Variants in CFAP74 observed in about 807,000 individuals in gnomAD.
CFAP74 encodes the protein cilia- and flagella-associated protein 74.
CFAP74 carries 124 observed loss-of-function variants against 188.9 expected under a neutral mutation model. The ratio of observed to expected loss-of-function variants is 0.66; its 90% CI spans 0.57 to 0.76. CFAP74 has a LOEUF of 0.76. Ranked by LOEUF, CFAP74 falls within the 30% of genes least tolerant of loss-of-function variation. The pLI is 0.00. For synonymous variants in CFAP74, 956 were observed against 916.7 expected, an observed-to-expected ratio of 1.04 and a Z score of -0.77; for missense variants, 2,198 against 2,165.2, an observed-to-expected ratio of 1.02 and a Z score of -0.30.
chr1:1,930,381 G>C (rs1184492082), intron 25 of CFAP74, 45 bp from the exon 26 acceptor site: 1 of 1,472,906 alleles, frequency 6.8e-7, no homozygotes, highest in Non-Finnish European at 9.0e-7. Flanking sequence ...CAGGGCGTCC[G>C]TGTCCCTCTG....
In CFAP74 at chr1:1,963,737, C is replaced by T. The variant is rs911305878; in HGVS notation, c.1694+12G>A. ...TGCACCGCGTCCCTCCCTGTCTGAG[C>T]CGTCCTCTTACTCAACGTGGATGAA... On this transcript the variant is annotated intron_variant, in intron 14 of 38. Coordinates refer to ENST00000682832, the MANE Select transcript of CFAP74 (RefSeq NM_001304360.2). The T allele has an allele frequency of 2.5e-6, 4 of 1,577,066 alleles. No individual in the cohort carries two copies. The Admixed American group carries it at 5.0e-5, about 20-fold the overall frequency.
chr1:1,951,462 C>A (rs938233652), intron 18 of CFAP74, among the ~76,000 whole-genome samples: 2 of 152,198 alleles, frequency 1.3e-5, no homozygotes, highest in African/African-American at 2.4e-5. Flanking sequence ...AACCAGTTGA[C>A]TATAATTGTG....
rs779154271 is a variant in CFAP74 at position 1,923,746 on chromosome 1, G to A, written c.4389+29C>T. 23 of 1,612,792 alleles carry A rather than the reference G, an allele frequency of 1.4e-5. No homozygotes were observed. The highest frequency in any genetic ancestry group is 8.8e-5 in the South Asian group (8 of 91,084). On this transcript the variant is annotated intron_variant, in intron 35 of 38. Transcript: ENST00000682832. This position sits in a 1 kb window ranked among gnomAD's most constrained non-coding sequence, Gnocchi z 6.3. ...CCCTGCGTGGGGCCAGGGCCGGGCC[G>A]GGCTGAGCTTGCAGAGCCAGAGCCG...
At chr1:1,927,468 T>G (rs1216441710) in intron 28 of CFAP74, 139 bp downstream of exon 28, 3 of 820,928 alleles carry the variant, frequency 3.7e-6, no homozygotes, top group Non-Finnish European at 5.6e-6. Flanking sequence ...TGGATCCAGC[T>G]GTGTCTGAAG....
At chr1:1,959,054 G>A (rs1015481778) in intron 16 of CFAP74, 66 bp downstream of exon 16, 60 of 1,079,868 alleles carry the variant, frequency 5.6e-5, no homozygotes, top group Middle Eastern at 2.0e-4. Context: ...AGGAGATGCC[G>A]TCCCCCACTG....
At chr1:1,958,108 C>G (rs555712687) in intron 16 of CFAP74, among the ~76,000 whole-genome samples, 1 of 152,232 alleles carries the variant, frequency 6.6e-6, no homozygotes. Flanking sequence ...CTCTCCACGG[C>G]GACACGCGGT....
At chr1:1,937,774 C>G (rs886227297) in intron 25 of CFAP74, among the ~76,000 whole-genome samples, 4 of 145,364 alleles carry the variant, frequency 2.8e-5, no homozygotes, top group Admixed American at 1.4e-4. Flanking sequence ...CTTATCCCGC[C>G]CTCAGGCTCA....
chr1:1,960,793 T>C (rs1030603431), intron 14 of CFAP74, among the ~76,000 whole-genome samples: 1 of 152,156 alleles, frequency 6.6e-6, no homozygotes. Flanking sequence ...GGGATGGAGC[T>C]GCCGGGGAGA....
intron 6 of CFAP74, chr1:1,984,981 G>A (rs973654454): frequency 3.9e-5 from 7 of 179,426 alleles, no homozygotes; most frequent in Admixed American, 3.3e-4. Context: ...TGAGAAATTC[G>A]TGCACCTTCC....
At chr1:1,989,516 G>A (rs1001279695) in intron 2 of CFAP74, among the ~76,000 whole-genome samples, 12 of 152,146 alleles carry the variant, frequency 7.9e-5, no homozygotes, top group Non-Finnish European at 4.4e-5. Flanking sequence ...GCTGGAGTGC[G>A]GTGGCGTGAT....
intron 6 of CFAP74, among the ~76,000 whole-genome samples, chr1:1,979,517 A>G (rs111903194): frequency 0.24 from 7,953 of 33,122 alleles, 719 homozygotes; most frequent in Non-Finnish European, 0.28. Context: ...CACGTGACGA[A>G]GCTGCGCAGA....
At position 1,930,317 on chromosome 1, in the gene CFAP74, G is replaced by A. The variant is rs1426853238; in HGVS notation, c.3031C>T (p.Arg1011Trp). The A allele has an allele frequency of 2.1e-5, 32 of 1,525,772 alleles. No homozygotes were observed. The highest frequency in any genetic ancestry group is 6.0e-5 in the South Asian group (5 of 83,684). 94.5% of individuals were successfully genotyped at this position (1,525,772 alleles called of 1,614,324 possible). A position where few individuals can be genotyped will look rare whatever the true frequency, so the allele number is the denominator to read the frequency against. Residue 1011 changes from arginine to tryptophan, a missense_variant, in exon 26 of 39, where the codon CGG becomes TGG. Coordinates refer to ENST00000682832, the MANE Select transcript of CFAP74 (RefSeq NM_001304360.2). ...EINRCFKLSC[R>W]AVGVHPPLEL... ...AGGGGTGGGTGGACGCCTACAGCCC[G>A]GCAAGACAGCTTGAAGCACCTGCAA...
In CFAP74 at chr1:1,940,323, G is replaced by T; in HGVS notation, c.2696C>A (p.Ala899Asp). Residue 899 changes from alanine (A) to aspartate (D), a missense_variant, in exon 23 of 39, where the codon GCC becomes GAC. Coordinates refer to ENST00000682832, the MANE Select transcript of CFAP74 (RefSeq NM_001304360.2). ...VLEAPMTIWV[A>D]DQNKPVGFTV... ...AAGTGCCCCAACACAGACCTGGTCG[G>T]CAACCCATATGGTCATCGGGGCCTC... The T allele has an allele frequency of 1.3e-6, 2 of 1,535,626 alleles. No individual in the cohort carries two copies. The highest frequency in any genetic ancestry group is 1.7e-6 in the Non-Finnish European group (2 of 1,146,608).
At chr1:1,925,535 C>T (rs1437697400) in intron 33 of CFAP74, among the ~76,000 whole-genome samples, 4 of 152,162 alleles carry the variant, frequency 2.6e-5, no homozygotes, top group East Asian at 3.9e-4. Flanking sequence ...GGACAAAGAG[C>T]GCCAAGGAGG....
At chr1:1,988,679 T>C (rs956202016) in intron 3 of CFAP74, 24 bp from the exon 4 acceptor site, 5 of 1,602,144 alleles carry the variant, frequency 3.1e-6, no homozygotes, top group Non-Finnish European at 3.4e-6. Flanking sequence ...GGACGTCAGC[T>C]GCCACCACCC....
chr1:1,981,377 C>A (rs1185649403), intron 6 of CFAP74, among the ~76,000 whole-genome samples: 1 of 152,170 alleles, frequency 6.6e-6, no homozygotes, highest in Non-Finnish European at 1.5e-5. Flanking sequence ...AACCCGGGGA[C>A]CCTCGGGGGC....
At chr1:1,992,406 G>GATT (rs1657636282) in intron 1 of CFAP74, among the ~76,000 whole-genome samples, 1 of 151,974 alleles carries the variant, frequency 6.6e-6, no homozygotes, top group African/African-American at 2.4e-5. Context: ...TCTCAGCCAG[G>GATT]ATTCACCCAC....
In CFAP74 at chr1:1,926,633, G is replaced by A. The variant is rs1210576408; in HGVS notation, c.3772+19C>T. 5.2e-6 allele frequency: 8 copies of A among 1,547,920 alleles called. No individual in the cohort carries two copies. The South Asian group carries it at 7.1e-5, about 14-fold the overall frequency. On this transcript the variant is annotated intron_variant, in intron 30 of 38. Coordinates refer to ENST00000682832, the MANE Select transcript of CFAP74 (RefSeq NM_001304360.2). Reference sequence around the variant, plus strand: ...CCTGGGCACCGGGGTGGAGGTGTGGGCGGGGCTTAGCGTCTCACCCACAGC... The same window carrying A: ...CCTGGGCACCGGGGTGGAGGTGTGGACGGGGCTTAGCGTCTCACCCACAGC...
At chr1:1,993,391 C>G (rs1431130383) in intron 1 of CFAP74, among the ~76,000 whole-genome samples, 1 of 151,466 alleles carries the variant, frequency 6.6e-6, no homozygotes, top group African/African-American at 2.4e-5. Flanking sequence ...CTCAATTGAT[C>G]CTCCTGCTTC....
Sources: gnomAD v4.1 joint callset for allele counts (sites outside exome capture counted in the v4.1 genomes callset) on GRCh38, gnomAD v4.1.1 for gene constraint, Gnocchi (gnomAD v3.1) non-coding constraint, MANE v1.5 for transcripts, NCBI Gene and HGNC (gene_info 2026-07-23, HGNC 2026-07-21) for gene names.